Variants in LILRA1 observed in about 807,000 individuals in gnomAD.
LILRA1 encodes leukocyte immunoglobulin-like receptor subfamily A member 1.
Under a neutral mutation model 51.6 loss-of-function variants are expected in LILRA1, and 51 were observed. The ratio of observed to expected loss-of-function variants is 0.99; its 90% CI spans 0.79 to 1.25. LILRA1 has a LOEUF of 1.25. Ranked by LOEUF, LILRA1 falls within the 50% of genes most tolerant of loss-of-function variation. LILRA1 has a pLI of 0.00. For missense variants in LILRA1, 660 were observed against 611.7 expected (o/e 1.08, Z -0.83); for synonymous variants, 305 against 248.4 (o/e 1.23, Z -2.14).
At chr19:54,598,434 A>C (rs2063103895) in intron 7 of LILRA1, among the ~76,000 whole-genome samples, 1 of 152,082 alleles carries the variant, frequency 6.6e-6, no homozygotes, top group East Asian at 1.9e-4. Context: ...CAATGGCCCG[A>C]GCGAAACTGA....
Position 54,594,709 on chromosome 19 carries a change from A to C in LILRA1, c.115A>C (p.Ile39Leu), listed in dbSNP as rs552034786. The change falls in exon 4 of 10, where the codon ATC (isoleucine) becomes CTC (leucine). Residue 39 changes from isoleucine to leucine, a missense_variant. By Grantham distance (5) the Ile-to-Leu change is conservative (BLOSUM62 2). Transcript: ENST00000251372. ...PTLWAEPGSVITQGSPVTLWC... is the reference protein window; with the variant it reads ...PTLWAEPGSVLTQGSPVTLWC... ...ACTCTGGGCTGAGCCAGGCTCTGTG[A>C]TCACCCAGGGGAGTCCCGTGACCCT... The C allele has an allele frequency of 1.4e-5, 22 of 1,613,716 alleles. No homozygotes were observed. In the Admixed American group the frequency reaches 2.8e-4, roughly 21 times the overall value.
chr19:54,596,503 G>C lies in LILRA1; in HGVS notation c.1261+12G>C. ...GCTCATGGTCTCAGGTGAGGGCCCT[G>C]ACCCTGTCCTCTCCGAGCTCAAAGG... is the stretch of plus-strand genomic sequence containing the variant. On this transcript the variant is annotated intron_variant, in intron 7 of 9. Transcript: ENST00000251372. The C allele has an allele frequency of 6.2e-7, 1 of 1,614,002 alleles. No homozygotes were observed. The highest frequency in any genetic ancestry group is 8.5e-7 in the Non-Finnish European group (1 of 1,179,974).
chr19:54,599,757 AT>A (rs763161033), intron 8 of LILRA1: 194 of 419,318 alleles, frequency 4.6e-4, no homozygotes, highest in Admixed American at 1.2e-3. Context: ...ACTTTTGAAT[AT>A]GTGTGTAAGT....
At chr19:54,599,659 C>T (rs2063130619) in intron 8 of LILRA1, 3 of 849,364 alleles carry the variant, frequency 3.5e-6, no homozygotes, top group South Asian at 5.2e-5. Context: ...ATATTTCTCA[C>T]TTTAAATGTC....
In LILRA1 at chr19:54,597,844, GT is replaced by G. The variant is rs571773672; in HGVS notation, c.1261+1354del. On this transcript the variant is annotated intron_variant, in intron 7 of 9. Coordinates refer to ENST00000251372, the MANE Select transcript of LILRA1 (RefSeq NM_006863.4). ...AGCAGAAATGAGTGATACACAACAC[GT>G]GCTGTGAATAATTCCCTAACTTGCC... Among the ~76,000 whole-genome samples, 31 of 151,428 alleles carry G rather than the reference GT, an allele frequency of 2.0e-4. No homozygotes were observed. In the East Asian group the frequency reaches 5.8e-3, roughly 28 times the overall value.
At chr19:54,598,365 C>T (rs901263356) in intron 7 of LILRA1, among the ~76,000 whole-genome samples, 3 of 152,052 alleles carry the variant, frequency 2.0e-5, no homozygotes, top group Admixed American at 2.0e-4. Context: ...TCCTCCTGTA[C>T]ATATTAAAAA....
Position 54,601,012 on chromosome 19 carries a change from A to G in LILRA1, c.*195A>G. ...AGACATTTTCTGGAGTGATCCATGA[A>G]GGACCATTAACCTGTGATACCTTTC... is the stretch of plus-strand genomic sequence containing the variant. On this transcript the variant is annotated 3_prime_UTR_variant, in exon 10 of 10. Coordinates refer to ENST00000251372, the MANE Select transcript of LILRA1 (RefSeq NM_006863.4). 1.5e-6 allele frequency: 1 copy of G among 655,208 alleles called. No individual in the cohort carries two copies. Among genetic ancestry groups the G allele is most frequent in the Non-Finnish European group, 2.7e-6 (1 of 375,744 alleles). The allele number at this position is 655,208 out of a possible 1,614,324, so 40.6% of individuals were successfully genotyped here.
Position 54,594,683 on chromosome 19 carries a change from C to T in LILRA1, c.89C>T (p.Thr30Ile). The change falls in exon 4 of 10, where the codon ACA becomes ATA. Residue 30 changes from threonine to isoleucine, a missense_variant. Coordinates refer to ENST00000251372, the MANE Select transcript of LILRA1 (RefSeq NM_006863.4). ...HVQAGTLPKP[T>I]LWAEPGSVIT... ...CTTCCAGGGACCCTCCCCAAGCCCA[C>T]ACTCTGGGCTGAGCCAGGCTCTGTG... The T allele has an allele frequency of 1.2e-6, 2 of 1,613,214 alleles. No individual in the cohort carries two copies. Among genetic ancestry groups the T allele is most frequent in the South Asian group, 1.1e-5 (1 of 91,048 alleles).
chr19:54,597,405 A>G (rs1468458101), intron 7 of LILRA1, among the ~76,000 whole-genome samples: 1 of 152,062 alleles, frequency 6.6e-6, no homozygotes, highest in Non-Finnish European at 1.5e-5. Flanking sequence ...CCCGAGCAGG[A>G]TTCCAGGAGA....
intron 4 of LILRA1, 28 bp from the exon 5 acceptor site, chr19:54,595,072 T>G: frequency 6.2e-7 from 1 of 1,605,924 alleles, no homozygotes; most frequent in South Asian, 1.1e-5. Flanking sequence ...GTGAGCCCCA[T>G]TTAACATGGT....
Position 54,594,483 on chromosome 19 carries a change from C to G in LILRA1, c.70+7C>G. The G allele has an allele frequency of 6.2e-7, 1 of 1,614,126 alleles. No homozygotes were observed. Among genetic ancestry groups the G allele is most frequent in the Non-Finnish European group, 8.5e-7 (1 of 1,180,012 alleles). Reference sequence around the variant, plus strand: ...CGGACCCACGTGCAGGCAGGTGAGTCTGTCCCCAGCTCTCCCAGGTCCCTC... The same window carrying G: ...CGGACCCACGTGCAGGCAGGTGAGTGTGTCCCCAGCTCTCCCAGGTCCCTC... On this transcript the variant is annotated splice_region_variant and intron_variant, in intron 3 of 9. Transcript: ENST00000251372.
chr19:54,597,453 C>G (rs951714118), intron 7 of LILRA1, among the ~76,000 whole-genome samples: 3 of 151,952 alleles, frequency 2.0e-5, no homozygotes, highest in African/African-American at 7.3e-5. Flanking sequence ...GTCTCATGTA[C>G]ATAACAAAAT....
Position 54,596,280 on chromosome 19 carries a change from G to A in LILRA1, c.1050G>A (p.Gly350=), listed in dbSNP as rs2146071957. ...TGACCCTGCTGTGTCAGTCATGGGG[G>A]CCGTTCCACACTTTCCTTCTGACCA... ...ENVTLLCQSW[G]PFHTFLLTKA... is the part of the protein sequence containing the mutation. The change falls in exon 7 of 10, where the codon GGG becomes GGA. Residue 350 remains glycine (G), a synonymous_variant. Coordinates refer to ENST00000251372, the MANE Select transcript of LILRA1 (RefSeq NM_006863.4). 2 of 1,612,892 alleles carry A rather than the reference G, an allele frequency of 1.2e-6. No homozygotes were observed. Among genetic ancestry groups the A allele is most frequent in the Non-Finnish European group, 1.7e-6 (2 of 1,179,756 alleles).
chr19:54,596,796 G>A (rs1568543535), intron 7 of LILRA1, among the ~76,000 whole-genome samples: 1 of 152,166 alleles, frequency 6.6e-6, no homozygotes, highest in Non-Finnish European at 1.5e-5. Context: ...GAACCTGGGA[G>A]GCGGAGCTTG....
At chr19:54,598,417 C>G (rs2063103505) in intron 7 of LILRA1, among the ~76,000 whole-genome samples, 1 of 152,026 alleles carries the variant, frequency 6.6e-6, no homozygotes. Flanking sequence ...TTGGATGTTT[C>G]CAAGCACAAT....
chr19:54,593,865 C>A, intron 1 of LILRA1, 84 bp downstream of exon 1: 4 of 643,418 alleles, frequency 6.2e-6, no homozygotes, highest in South Asian at 4.5e-5. Flanking sequence ...GAAAGGGAAG[C>A]CTCCGTTACC....
At chr19:54,598,941 G>T (rs377361042) in intron 7 of LILRA1, among the ~76,000 whole-genome samples, 1 of 151,758 alleles carries the variant, frequency 6.6e-6, no homozygotes, top group Non-Finnish European at 1.5e-5. Context: ...GATTACAGGC[G>T]CCCGCCACCA....
chr19:54,595,709 C>G lies in LILRA1; in HGVS notation c.732C>G (p.Leu244=). 6.2e-7 allele frequency: 1 copy of G among 1,614,058 alleles called. No homozygotes were observed. The highest frequency in any genetic ancestry group is 2.2e-5 in the East Asian group (1 of 44,880). The stretch of plus-strand genomic sequence containing the variant: ...TGGCCCCTGGGGAGAGCCTGACCCT[C>G]CAGTGTGTTTCTGATGTCAGCTACG... ...PIVAPGESLT[L]QCVSDVSYDR... The change falls in exon 6 of 10, where the codon CTC becomes CTG. Residue 244 remains leucine, a synonymous_variant. Coordinates refer to ENST00000251372, the MANE Select transcript of LILRA1 (RefSeq NM_006863.4).
intron 7 of LILRA1, among the ~76,000 whole-genome samples, chr19:54,598,887 C>T (rs2063112746): frequency 6.6e-6 from 1 of 152,120 alleles, no homozygotes; most frequent in African/African-American, 2.4e-5. Flanking sequence ...CCTCCGTCTT[C>T]CAGTTTCAAG....
Sources: gnomAD v4.1 joint callset for allele counts (sites outside exome capture counted in the v4.1 genomes callset) on GRCh38, gnomAD v4.1.1 for gene constraint, MANE v1.5 for transcripts, NCBI Gene and HGNC (gene_info 2026-07-23, HGNC 2026-07-21) for gene names.